The following NUBPL variants were observed in gnomAD, a reference collection of about 807,000 sequenced individuals.
NUBPL encodes iron-sulfur cluster transfer protein NUBPL.
Under a neutral mutation model 45.7 loss-of-function variants are expected in NUBPL, and 31 were observed. That is an observed-to-expected ratio of 0.68 (90% CI 0.51 to 0.92). The LOEUF (loss-of-function observed/expected upper bound fraction) is 0.92, where lower values mean the gene tolerates loss of function less well. Ranked by LOEUF, NUBPL falls within the 40% of genes least tolerant of loss-of-function variation. The pLI, the probability that NUBPL is intolerant of heterozygous loss-of-function variation, is 0.00. For missense variants in NUBPL, 401 were observed against 398.7 expected, an observed-to-expected ratio of 1.01 and a Z score of -0.05; for synonymous variants, 144 against 140.9, an observed-to-expected ratio of 1.02 and a Z score of -0.15.
intron 7 of NUBPL, among the ~76,000 whole-genome samples, chr14:31,790,064 A>G (rs921327639): frequency 6.6e-6 from 1 of 152,208 alleles, no homozygotes; most frequent in Non-Finnish European, 1.5e-5. Flanking sequence ...TGCATTATTC[A>G]TATAGATAAT....
At chr14:31,744,688 C>G (rs1381411772) in intron 6 of NUBPL, among the ~76,000 whole-genome samples, 7 of 140,828 alleles carry the variant, frequency 5.0e-5, no homozygotes, top group Admixed American at 2.3e-4. Context: ...GTGGCACAAT[C>G]TCGGCTCACT....
chr14:31,786,691 A>G (rs961192160), intron 6 of NUBPL, among the ~76,000 whole-genome samples: 2 of 152,144 alleles, frequency 1.3e-5, no homozygotes, highest in African/African-American at 4.8e-5. Context: ...TGATTAGGGG[A>G]AGTATGTAGT....
intron 6 of NUBPL, among the ~76,000 whole-genome samples, chr14:31,693,510 GTTC>G (rs1247927753): frequency 2.6e-5 from 4 of 152,028 alleles, no homozygotes; most frequent in African/African-American, 9.7e-5. Context: ...ATTAAATTAT[GTTC>G]TTAAGATATT....
chr14:31,725,708 G>GT (rs2037906046), intron 6 of NUBPL, among the ~76,000 whole-genome samples: 1 of 42,816 alleles, frequency 2.3e-5, no homozygotes, highest in Non-Finnish European at 4.2e-5. Flanking sequence ...TTAGATTTCA[G>GT]CTTTTTTTTT....
intron 6 of NUBPL, among the ~76,000 whole-genome samples, chr14:31,673,907 A>C (rs2036632659): frequency 6.6e-6 from 1 of 152,202 alleles, no homozygotes; most frequent in Non-Finnish European, 1.5e-5. Flanking sequence ...CATTGTGGTC[A>C]ATATTGAGTT....
At chr14:31,694,261 A>G (rs1359378116) in intron 6 of NUBPL, among the ~76,000 whole-genome samples, 2 of 152,208 alleles carry the variant, frequency 1.3e-5, no homozygotes, top group Non-Finnish European at 2.9e-5. Context: ...CTGATTTTGA[A>G]TTCTCCTTTC....
chr14:31,857,664 T>C (rs999832102), intron 10 of NUBPL, among the ~76,000 whole-genome samples: 1 of 152,208 alleles, frequency 6.6e-6, no homozygotes. Context: ...CACAAATCTC[T>C]AGGGCAGGGA....
At chr14:31,734,679 T>C (rs1416932601) in intron 6 of NUBPL, among the ~76,000 whole-genome samples, 1 of 152,206 alleles carries the variant, frequency 6.6e-6, no homozygotes, top group Non-Finnish European at 1.5e-5. Context: ...GAATTATAAA[T>C]ATACGTGTCT....
chr14:31,707,279 G>T (rs778068832), intron 6 of NUBPL, among the ~76,000 whole-genome samples: 2 of 152,266 alleles, frequency 1.3e-5, no homozygotes, highest in Non-Finnish European at 2.9e-5. Flanking sequence ...CAACAAGGTG[G>T]TATTGGATTG....
chr14:31,800,816 A>T (rs960789673), intron 7 of NUBPL: 1 of 152,208 alleles, frequency 6.6e-6, no homozygotes, highest in Non-Finnish European at 1.5e-5. Context: ...TATGTGAAGC[A>T]TGTTTTCTCT....
chr14:31,693,760 T>G (rs1210171956), intron 6 of NUBPL, among the ~76,000 whole-genome samples: 1 of 147,188 alleles, frequency 6.8e-6, no homozygotes, highest in Non-Finnish European at 1.5e-5. Flanking sequence ...CAGTTTTCAG[T>G]TGGACAGGGC....
chr14:31,637,787 T>C (rs2035550748), intron 4 of NUBPL, among the ~76,000 whole-genome samples: 1 of 152,196 alleles, frequency 6.6e-6, no homozygotes, highest in Admixed American at 6.5e-5. Flanking sequence ...ATTGGGTGCA[T>C]ATATATTAAG....
At chr14:31,640,908 C>T (rs79194167) in intron 4 of NUBPL, among the ~76,000 whole-genome samples, 5,981 of 151,960 alleles carry the variant, frequency 0.039, 283 homozygotes, top group African/African-American at 0.11. Flanking sequence ...TGTAGTCACC[C>T]TACTGATCTA....
intron 6 of NUBPL, among the ~76,000 whole-genome samples, chr14:31,772,461 G>A (rs1207182240): frequency 6.6e-6 from 1 of 152,102 alleles, no homozygotes. Flanking sequence ...TTAGAGAGGT[G>A]TTTCTATAAT....
At chr14:31,646,428 C>T (rs1305063910) in intron 4 of NUBPL, among the ~76,000 whole-genome samples, 3 of 152,058 alleles carry the variant, frequency 2.0e-5, no homozygotes, top group Non-Finnish European at 2.9e-5. Flanking sequence ...CTCATGTGAT[C>T]CACTCAACCT....
In NUBPL at chr14:31,658,865, T is replaced by G. The variant is rs187068495; in HGVS notation, c.383-14490T>G. Reference sequence around the variant, plus strand: ...CTGTTTACAGAATTGTTTTGGACATTATATGAACATGTTTATGAGCACTTA... The same window carrying G: ...CTGTTTACAGAATTGTTTTGGACATGATATGAACATGTTTATGAGCACTTA... On this transcript the variant is annotated intron_variant, in intron 4 of 10. Coordinates refer to ENST00000281081, the MANE Select transcript of NUBPL (RefSeq NM_025152.3). Among the ~76,000 whole-genome samples, 16 of 152,306 alleles carry G rather than the reference T, an allele frequency of 1.1e-4. No homozygotes were observed. In the East Asian group the frequency reaches 3.1e-3, roughly 29 times the overall value.
intron 6 of NUBPL, among the ~76,000 whole-genome samples, chr14:31,691,353 A>G (rs2037089450): frequency 1.3e-5 from 2 of 152,200 alleles, no homozygotes; most frequent in Non-Finnish European, 1.5e-5. Flanking sequence ...ACTATAACAC[A>G]AAATATGTGG....
intron 6 of NUBPL, among the ~76,000 whole-genome samples, chr14:31,785,425 C>T (rs2039266262): frequency 6.6e-6 from 1 of 152,176 alleles, no homozygotes; most frequent in African/African-American, 2.4e-5. Context: ...ATTAGATTCT[C>T]ATATGAGCAC....
At chr14:31,600,268 C>T (rs140344890) in intron 4 of NUBPL, among the ~76,000 whole-genome samples, 1 of 152,226 alleles carries the variant, frequency 6.6e-6, no homozygotes, top group African/African-American at 2.4e-5. Flanking sequence ...ATTCATCTTC[C>T]AACCCACTTA....
Sources: gnomAD v4.1 joint callset for allele counts (sites outside exome capture counted in the v4.1 genomes callset) on GRCh38, gnomAD v4.1.1 for gene constraint, MANE v1.5 for transcripts, NCBI Gene and HGNC (gene_info 2026-07-23, HGNC 2026-07-21) for gene names.